The following CCDC180 variants were observed in gnomAD, a reference collection of about 807,000 sequenced individuals.
CCDC180 encodes the protein coiled-coil domain-containing protein 180.
Under a neutral mutation model 209.2 loss-of-function variants are expected in CCDC180, and 154 were observed. That is an observed-to-expected ratio of 0.74 (90% confidence interval 0.65 to 0.84). The LOEUF (loss-of-function observed/expected upper bound fraction) is 0.84. CCDC180 is among the 40% of genes least tolerant of loss of function. The pLI is 0.00. For missense variants in CCDC180, 1,874 were observed against 1,997.3 expected, an observed-to-expected ratio of 0.94 and a Z score of 1.18; for synonymous variants, 778 against 749.1, an observed-to-expected ratio of 1.04 and a Z score of -0.63.
At chr9:97,375,956 A>T in intron 36 of CCDC180, 1 of 247,156 alleles carries the variant, frequency 4.0e-6, no homozygotes, top group Non-Finnish European at 7.8e-6. Flanking sequence ...GAGCAGTCAC[A>T]GCTCCTGAGA....
intron 11 of CCDC180, 38 bp from the exon 12 acceptor site, chr9:97,322,795 C>T (rs1003412030): frequency 6.3e-7 from 1 of 1,581,196 alleles, no homozygotes; most frequent in South Asian, 1.1e-5. Context: ...ATCTTCTCTT[C>T]CTTCTGGACT....
At chr9:97,349,372 T>C (rs1282700450) in intron 21 of CCDC180, 81 bp downstream of exon 21, 1 of 1,267,832 alleles carries the variant, frequency 7.9e-7, no homozygotes, top group Non-Finnish European at 1.1e-6. Context: ...GGAGCCCCCC[T>C]CCCTGTAGAC....
Position 97,364,126 on chromosome 9 carries a change from C to A in CCDC180, c.3978C>A (p.Ala1326=), listed in dbSNP as rs149708666. The A allele has an allele frequency of 6.2e-7, 1 of 1,613,974 alleles. No individual in the cohort carries two copies. The highest frequency in any genetic ancestry group is 8.5e-7 in the Non-Finnish European group (1 of 1,179,934). ...RVLGDKPPPA[A]EDFKGIILTL... ...TTGGGGACAAGCCTCCCCCTGCTGC[C>A]GAGTGAGTAACAACGCCTTTCCTTT... is the stretch of plus-strand genomic sequence containing the variant. The change falls in exon 29 of 37, where the codon GCC becomes GCA. Residue 1326 remains alanine (A), a splice_region_variant and synonymous_variant. Coordinates refer to ENST00000529487, the MANE Select transcript of CCDC180 (RefSeq NM_020893.6).
intron 18 of CCDC180, among the ~76,000 whole-genome samples, chr9:97,339,003 A>G (rs1214335430): frequency 2.0e-5 from 3 of 150,600 alleles, no homozygotes; most frequent in Admixed American, 1.3e-4. Flanking sequence ...TTTGCTTTCC[A>G]TTTGCTTGGA....
Position 97,370,679 on chromosome 9 carries a change from C to G in CCDC180, c.4389C>G (p.His1463Gln). The change falls in exon 33 of 37, where the codon CAC becomes CAG. Residue 1463 changes from histidine (H) to glutamine (Q), a missense_variant. By Grantham distance (24) the His-to-Gln change is conservative (BLOSUM62 0). Transcript: ENST00000529487. ...NAQKLHLNLGHPVHFQEMESL... is the reference protein window; with the variant it reads ...NAQKLHLNLGQPVHFQEMESL... ...AGAAGCTCCATCTAAATCTTGGACACCCCGTACATTTCCAAGAAATGGAGT... is the reference window on the plus strand; with the variant it reads ...AGAAGCTCCATCTAAATCTTGGACAGCCCGTACATTTCCAAGAAATGGAGT... The G allele has an allele frequency of 6.2e-7, 1 of 1,614,054 alleles. No individual in the cohort carries two copies. The highest frequency in any genetic ancestry group is 8.5e-7 in the Non-Finnish European group (1 of 1,179,986).
At chr9:97,311,002 AAC>A (rs1203896079) in intron 3 of CCDC180, among the ~76,000 whole-genome samples, 1 of 152,210 alleles carries the variant, frequency 6.6e-6, no homozygotes, top group African/African-American at 2.4e-5. Flanking sequence ...GACTGGGCTG[AAC>A]ACATGAGTGG....
chr9:97,316,619 G>T (rs1409485795), intron 8 of CCDC180, among the ~76,000 whole-genome samples: 1 of 152,230 alleles, frequency 6.6e-6, no homozygotes, highest in Non-Finnish European at 1.5e-5. Flanking sequence ...GACTGCTGAA[G>T]AATGTTCTAG....
At chr9:97,310,292 G>A (rs1263611238) in intron 3 of CCDC180, among the ~76,000 whole-genome samples, 2 of 152,216 alleles carry the variant, frequency 1.3e-5, no homozygotes, top group Admixed American at 1.3e-4. Flanking sequence ...GGTGTCTCTT[G>A]GAGGCAGAAC....
At chr9:97,374,259 A>G (rs1481314019) in intron 34 of CCDC180, 1 of 398,108 alleles carries the variant, frequency 2.5e-6, no homozygotes, top group Non-Finnish European at 4.5e-6. Context: ...CCGGGGACTC[A>G]TGGAAACTGC....
intron 25 of CCDC180, chr9:97,358,027 C>T (rs1826633628): frequency 3.8e-6 from 1 of 262,786 alleles, no homozygotes. Context: ...ACCAGGTGTC[C>T]CTTGCTGTAA....
intron 4 of CCDC180, among the ~76,000 whole-genome samples, chr9:97,312,756 T>TG (rs1276648636): frequency 7.1e-6 from 1 of 140,650 alleles, no homozygotes; most frequent in Admixed American, 7.2e-5. Flanking sequence ...GCAGAGCATA[T>TG]GGCAGGAGCA....
intron 18 of CCDC180, among the ~76,000 whole-genome samples, chr9:97,337,932 T>G (rs1216576288): frequency 1.3e-5 from 2 of 152,154 alleles, no homozygotes; most frequent in African/African-American, 4.8e-5. Context: ...TTTCTTCTAG[T>G]TTTTCTAGTT....
chr9:97,371,766 G>A, intron 34 of CCDC180, 60 bp downstream of exon 34: 2 of 1,031,532 alleles, frequency 1.9e-6, no homozygotes, highest in Non-Finnish European at 2.9e-6. Context: ...GCTAGGTTGG[G>A]CAGGGGTCTG....
chr9:97,323,958 G>T, intron 13 of CCDC180, 55 bp downstream of exon 13: 1 of 1,540,368 alleles, frequency 6.5e-7, no homozygotes, highest in Admixed American at 2.0e-5. Flanking sequence ...GGGGTCCCCG[G>T]GGTTGCTGGG....
intron 22 of CCDC180, 133 bp from the exon 23 acceptor site, chr9:97,354,436 T>C (rs1587823490): frequency 2.3e-6 from 2 of 852,884 alleles, no homozygotes; most frequent in East Asian, 2.5e-5. Context: ...TTAAGCTATC[T>C]GTGTTCATTT....
intron 20 of CCDC180, among the ~76,000 whole-genome samples, chr9:97,348,262 G>A (rs1194792635): frequency 6.6e-6 from 1 of 152,214 alleles, no homozygotes; most frequent in Non-Finnish European, 1.5e-5. Flanking sequence ...TCCTGGAGCA[G>A]GGAAAGAGTT....
At chr9:97,347,524 G>A (rs1370189524) in intron 20 of CCDC180, 35 bp downstream of exon 20, 32 of 1,523,870 alleles carry the variant, frequency 2.1e-5, no homozygotes, top group African/African-American at 1.6e-4. Context: ...TGCCCTGCCC[G>A]CAGCCACTCC....
intron 10 of CCDC180, among the ~76,000 whole-genome samples, chr9:97,319,748 TCA>T (rs1277382485): frequency 2.0e-5 from 3 of 151,920 alleles, no homozygotes; most frequent in African/African-American, 7.3e-5. Flanking sequence ...GGTTTTTAAA[TCA>T]TCATGTGTGT....
In CCDC180 at chr9:97,376,851, G is replaced by T; in HGVS notation, c.4931G>T (p.Ser1644Ile). 1 of 1,613,116 alleles carries T rather than the reference G, an allele frequency of 6.2e-7. No homozygotes were observed. Residue 1644 changes from serine to isoleucine, a missense_variant, in exon 37 of 37, where the codon AGC becomes ATC. Physicochemically the swap from Ser to Ile is moderately radical, Grantham distance 142. Coordinates refer to ENST00000529487, the MANE Select transcript of CCDC180 (RefSeq NM_020893.6). ...QIKEAQRWKD[S>I]WKQSLHTIQG... ...AAGGAGGCTCAGCGCTGGAAGGACA[G>T]CTGGAAGCAGTCCCTGCACACTATC... is the stretch of plus-strand genomic sequence containing the variant.
Sources: allele counts gnomAD v4.1 joint callset (sites outside exome capture counted in the v4.1 genomes callset), GRCh38; gene constraint gnomAD v4.1.1; transcripts MANE v1.5; gene names NCBI Gene and HGNC (gene_info 2026-07-23, HGNC 2026-07-21).